The following LRP1B variants were observed in gnomAD, a reference collection of about 807,000 sequenced individuals.
LRP1B encodes the protein LDL receptor related protein 1B.
LRP1B carries 217 observed loss-of-function variants against 556.6 expected under a neutral mutation model. The ratio of observed to expected loss-of-function variants is 0.39; its 90% CI spans 0.35 to 0.44. The LOEUF (loss-of-function observed/expected upper bound fraction) is 0.44. Among genes scored for constraint, LRP1B ranks in the 20% least tolerant of loss-of-function variants. LRP1B has a pLI of 1.00. For missense variants in LRP1B, 5,053 were observed against 5,620.8 expected, an observed-to-expected ratio of 0.90 and a Z score of 3.23; for synonymous variants, 2,047 against 1,865.8, an observed-to-expected ratio of 1.10 and a Z score of -2.50.
intron 1 of LRP1B, among the ~76,000 whole-genome samples, chr2:141,815,887 AC>A (rs1696529060): frequency 6.6e-6 from 1 of 151,706 alleles, no homozygotes. Context: ...GAGACCGTGA[AC>A]CCACCGGAAG....
At chr2:141,467,852 A>AGGGTT (rs1163213986) in intron 3 of LRP1B, among the ~76,000 whole-genome samples, 26 of 133,320 alleles carry the variant, frequency 2.0e-4, no homozygotes, top group East Asian at 7.2e-4. Flanking sequence ...GGGGGGGGGA[A>AGGGTT]TTCCAGCATA....
chr2:141,937,581 A>T (rs553987716), intron 1 of LRP1B, among the ~76,000 whole-genome samples: 2 of 151,584 alleles, frequency 1.3e-5, no homozygotes, highest in South Asian at 4.2e-4. Flanking sequence ...ATGTGTGTGT[A>T]TGTGTGTGAG....
chr2:140,702,611 C>A (rs2105431348), intron 37 of LRP1B, 58 bp from the exon 38 acceptor site: 1 of 1,533,684 alleles, frequency 6.5e-7, no homozygotes, highest in Middle Eastern at 1.7e-4. Flanking sequence ...GTATGCAGAG[C>A]TATGCAAAAA....
At chr2:141,233,979 T>C (rs1683564318) in intron 5 of LRP1B, among the ~76,000 whole-genome samples, 1 of 152,142 alleles carries the variant, frequency 6.6e-6, no homozygotes, top group Non-Finnish European at 1.5e-5. Flanking sequence ...TCCCAGCATG[T>C]GCACATCAAT....
At position 140,701,354 on chromosome 2, in the gene LRP1B, G is replaced by A. The variant is rs113057356; in HGVS notation, c.6427+367C>T. Among the ~76,000 whole-genome samples the A allele has an allele frequency of 4.1e-3, 617 of 152,036 alleles. 4 individuals carry two copies. The highest frequency in any genetic ancestry group is 0.013 in the African/African-American group (541 of 41,490). On this transcript the variant is annotated intron_variant, in intron 40 of 90. Coordinates refer to ENST00000389484, the MANE Select transcript of LRP1B (RefSeq NM_018557.3). ...ATCATAACCACTTATTATATAATAT[G>A]ATTCATATTATGTATAAAAATTTCA...
At chr2:141,621,834 C>T (rs1574152240) in intron 2 of LRP1B, among the ~76,000 whole-genome samples, 1 of 152,054 alleles carries the variant, frequency 6.6e-6, no homozygotes, top group East Asian at 1.9e-4. Context: ...GAGGAAAAGT[C>T]GATCCAAAAA....
At chr2:140,547,665 C>T (rs1213757721) in intron 43 of LRP1B, among the ~76,000 whole-genome samples, 1 of 151,810 alleles carries the variant, frequency 6.6e-6, no homozygotes, top group Non-Finnish European at 1.5e-5. Flanking sequence ...GGAAGTAATT[C>T]CTTCCTTTTA....
chr2:141,811,765 T>A (rs1696366134), intron 1 of LRP1B, among the ~76,000 whole-genome samples: 2 of 152,104 alleles, frequency 1.3e-5, no homozygotes, highest in Admixed American at 1.3e-4. Context: ...GCATACTTTG[T>A]ATTTGGCCTC....
At chr2:141,949,564 A>G (rs1243553746) in intron 1 of LRP1B, among the ~76,000 whole-genome samples, 1 of 152,042 alleles carries the variant, frequency 6.6e-6, no homozygotes, top group Non-Finnish European at 1.5e-5. Flanking sequence ...TAATTTTTGT[A>G]TTTTTAGTAG....
intron 41 of LRP1B, among the ~76,000 whole-genome samples, chr2:140,663,468 C>A (rs1412470209): frequency 6.6e-6 from 1 of 152,208 alleles, no homozygotes; most frequent in Non-Finnish European, 1.5e-5. Flanking sequence ...CTTGCTGCTT[C>A]ACCTTACACT....
At chr2:140,798,009 G>T (rs943777854) in intron 32 of LRP1B, among the ~76,000 whole-genome samples, 3 of 151,866 alleles carry the variant, frequency 2.0e-5, no homozygotes, top group African/African-American at 4.8e-5. Flanking sequence ...AATTTTTCAG[G>T]CTCCTTCCTC....
In LRP1B at chr2:142,070,087, A is replaced by C. The variant is rs942942835; in HGVS notation, c.82+60561T>G. On this transcript the variant is annotated intron_variant, in intron 1 of 90. Coordinates refer to ENST00000389484, the MANE Select transcript of LRP1B (RefSeq NM_018557.3). ...AATGGAATTTATTTACTTTAAATGT[A>C]ACACATTCCACATTCCCAACAACCC... 4.6e-5 allele frequency among the ~76,000 whole-genome samples: 7 copies of C among 151,930 alleles called. No homozygotes were observed. In the South Asian group the frequency reaches 1.4e-3, roughly 31 times the overall value.
intron 32 of LRP1B, among the ~76,000 whole-genome samples, chr2:140,800,450 A>G (rs1473137001): frequency 6.6e-6 from 1 of 152,204 alleles, no homozygotes; most frequent in East Asian, 1.9e-4. Flanking sequence ...CTGAGCAGTT[A>G]ATTTAGGCTA....
chr2:141,750,685 G>GT (rs1450623887), intron 2 of LRP1B, among the ~76,000 whole-genome samples: 1 of 152,010 alleles, frequency 6.6e-6, no homozygotes, highest in Non-Finnish European at 1.5e-5. Flanking sequence ...GATTATATTA[G>GT]TTTTTTTATT....
intron 6 of LRP1B, among the ~76,000 whole-genome samples, chr2:141,222,138 A>C (rs901276705): frequency 3.9e-4 from 59 of 151,784 alleles, no homozygotes; most frequent in African/African-American, 1.4e-3. Context: ...AATAAAATAG[A>C]TAGCTAACTA....
At chr2:140,505,861 T>G (rs894901783) in intron 53 of LRP1B, among the ~76,000 whole-genome samples, 2 of 152,218 alleles carry the variant, frequency 1.3e-5, no homozygotes, top group African/African-American at 4.8e-5. Context: ...TATTTATTCT[T>G]GTCTATGCAT....
intron 47 of LRP1B, among the ~76,000 whole-genome samples, chr2:140,529,701 C>T (rs184453692): frequency 6.6e-6 from 1 of 152,002 alleles, no homozygotes; most frequent in African/African-American, 2.4e-5. Flanking sequence ...CCCAGTCTAC[C>T]TAAAAGTACT....
At chr2:141,723,262 G>T (rs1437350) in intron 2 of LRP1B, among the ~76,000 whole-genome samples, 126,683 of 144,750 alleles carry the variant, frequency 0.88, 54,388 homozygotes, top group African/African-American at 0.9. Flanking sequence ...TGTTTCTTTT[G>T]TTTTTTTCAC....
At chr2:141,554,343 C>A (rs972022727) in intron 2 of LRP1B, among the ~76,000 whole-genome samples, 1 of 146,540 alleles carries the variant, frequency 6.8e-6, no homozygotes, top group Non-Finnish European at 1.5e-5. Context: ...TTATATGTAT[C>A]TATAGGAATA....
Sources: allele counts gnomAD v4.1 joint callset (sites outside exome capture counted in the v4.1 genomes callset), GRCh38; gene constraint gnomAD v4.1.1; transcripts MANE v1.5; gene names NCBI Gene and HGNC (gene_info 2026-07-23, HGNC 2026-07-21).